NHLRC2: variants seen among roughly 807,000 people sequenced by gnomAD.
NHLRC2 encodes NHL repeat containing 2, also known as NHL repeat-containing protein 2.
A neutral mutation model predicts 68.1 loss-of-function variants in NHLRC2; 33 were observed. That is an observed-to-expected ratio of 0.48 (90% confidence interval 0.37 to 0.65). NHLRC2 has a LOEUF of 0.65. Among genes scored for constraint, NHLRC2 ranks in the 30% least tolerant of loss-of-function variants. The probability of loss-of-function intolerance (pLI) is 0.00; values close to 1 mark genes in which losing one functional copy is unlikely to be tolerated. For missense variants in NHLRC2, 761 were observed against 853.8 expected, an observed-to-expected ratio of 0.89 and a Z score of 1.35; for synonymous variants, 311 against 309.6, an observed-to-expected ratio of 1.00 and a Z score of -0.05.
Position 113,883,016 on chromosome 10 carries a change from T to C in NHLRC2, c.910-1235T>C, listed in dbSNP as rs568550653. Among the ~76,000 whole-genome samples the C allele has an allele frequency of 2.4e-4, 37 of 151,980 alleles. No homozygotes were observed. The South Asian group carries it at 7.2e-3, about 30-fold the overall frequency. On this transcript the variant is annotated intron_variant, in intron 4 of 10. Coordinates refer to ENST00000369301, the MANE Select transcript of NHLRC2 (RefSeq NM_198514.4). ...GTTGATCATAGATGTATGGACCCAT[T>C]GATCTCTCTGTCTGTCTTTATGCCA...
chr10:113,865,211 AG>A (rs1845854514), intron 2 of NHLRC2, among the ~76,000 whole-genome samples: 1 of 151,884 alleles, frequency 6.6e-6, no homozygotes, highest in African/African-American at 2.4e-5. Flanking sequence ...GGCCTCCCAA[AG>A]TGCTGGGATT....
chr10:113,860,168 G>T (rs926159212), intron 2 of NHLRC2, among the ~76,000 whole-genome samples: 2 of 152,038 alleles, frequency 1.3e-5, no homozygotes, highest in Non-Finnish European at 2.9e-5. Context: ...TTTTTGATTT[G>T]TTTTTTTAGT....
At position 113,857,250 on chromosome 10, in the gene NHLRC2, T is replaced by G. The variant is rs200800036; in HGVS notation, c.179-1278T>G. Among the ~76,000 whole-genome samples the G allele has an allele frequency of 3.3e-5, 5 of 152,118 alleles. No individual in the cohort carries two copies. In the East Asian group the frequency reaches 9.6e-4, roughly 29 times the overall value. On this transcript the variant is annotated intron_variant, in intron 1 of 10. Coordinates refer to ENST00000369301, the MANE Select transcript of NHLRC2 (RefSeq NM_198514.4). ...CCTGATCTAAGCCACTCTTGACTATTTACAGAAAAGTCACAGAAGACAGAT... is the reference window on the plus strand; with the variant it reads ...CCTGATCTAAGCCACTCTTGACTATGTACAGAAAAGTCACAGAAGACAGAT...
rs760625750 is a variant in NHLRC2 at position 113,898,157 on chromosome 10, A to T, written c.1087A>T (p.Thr363Ser). The T allele has an allele frequency of 1.2e-6, 2 of 1,613,192 alleles. No individual in the cohort carries two copies. Among genetic ancestry groups the T allele is most frequent in the East Asian group, 4.5e-5 (2 of 44,870 alleles). ...CATTTTATGGATAGCCATGGCAGGG[A>T]CTCATCAGATATGGGCACTCCTGCT... is the stretch of plus-strand genomic sequence containing the variant. The part of the protein sequence containing the change: ...GDILWIAMAG[T>S]HQIWALLLDS... The change falls in exon 6 of 11, where the codon ACT (threonine) becomes TCT (serine). Residue 363 changes from threonine to serine, a missense_variant. Coordinates refer to ENST00000369301, the MANE Select transcript of NHLRC2 (RefSeq NM_198514.4).
At chr10:113,874,695 A>G (rs375075546) in intron 2 of NHLRC2, among the ~76,000 whole-genome samples, 16 of 151,034 alleles carry the variant, frequency 1.1e-4, no homozygotes, top group African/African-American at 3.6e-4. Flanking sequence ...ACTTATTTAG[A>G]TATTTTGAAA....
At chr10:113,891,582 G>A (rs1846131946) in intron 5 of NHLRC2, among the ~76,000 whole-genome samples, 1 of 152,186 alleles carries the variant, frequency 6.6e-6, no homozygotes, top group African/African-American at 2.4e-5. Context: ...CTGGGCAGTT[G>A]TTGCCTTCTG....
chr10:113,905,296 C>G (rs1051139211), intron 10 of NHLRC2, among the ~76,000 whole-genome samples: 14 of 152,098 alleles, frequency 9.2e-5, no homozygotes, highest in Non-Finnish European at 2.9e-5. Context: ...TGTGGGTTTT[C>G]CTATACCTCA....
rs1201785402 is a variant in NHLRC2 at position 113,909,463 on chromosome 10, T to C, written c.*927T>C. On this transcript the variant is annotated 3_prime_UTR_variant, in exon 11 of 11. Coordinates refer to ENST00000369301, the MANE Select transcript of NHLRC2 (RefSeq NM_198514.4). ...TTGAGTTTAGGTTTTGAGGTTTTTT[T>C]CGTTCCCATATTCAGAATTTAAATT... 6.6e-6 allele frequency: 1 copy of C among 152,142 alleles called. No individual in the cohort carries two copies. The highest frequency in any genetic ancestry group is 1.5e-5 in the Non-Finnish European group (1 of 67,976). The allele number at this position is 152,142 out of a possible 1,614,324, so 9.4% of individuals were successfully genotyped here. A position where few individuals can be genotyped will look rare whatever the true frequency, so the allele number is the denominator to read the frequency against.
At chr10:113,868,064 C>T (rs572596418) in intron 2 of NHLRC2, among the ~76,000 whole-genome samples, 3 of 152,120 alleles carry the variant, frequency 2.0e-5, no homozygotes, top group Admixed American at 6.5e-5. Context: ...TCACAGCTCA[C>T]GGCAGCCACG....
At position 113,911,498 on chromosome 10, in the gene NHLRC2, T is replaced by C. The variant is rs980440558; in HGVS notation, c.*2962T>C. 1 of 152,156 alleles carries C rather than the reference T, an allele frequency of 6.6e-6. No individual in the cohort carries two copies. The highest frequency in any genetic ancestry group is 6.6e-5 in the Admixed American group (1 of 15,266). 9.4% of individuals were successfully genotyped at this position (152,156 alleles called of 1,614,324 possible). On this transcript the variant is annotated 3_prime_UTR_variant, in exon 11 of 11. Coordinates refer to ENST00000369301, the MANE Select transcript of NHLRC2 (RefSeq NM_198514.4). Reference sequence around the variant, plus strand: ...GCCAGAAAAAAAAATTTACTATGTGTATATTTATATAGGTGTGTGTATACA... The same window carrying C: ...GCCAGAAAAAAAAATTTACTATGTGCATATTTATATAGGTGTGTGTATACA...
intron 6 of NHLRC2, among the ~76,000 whole-genome samples, chr10:113,899,515 C>A (rs1350203478): frequency 6.6e-6 from 1 of 151,982 alleles, no homozygotes; most frequent in African/African-American, 2.4e-5. Flanking sequence ...AATATGCTCA[C>A]TATGTTAAGG....
chr10:113,868,358 ATAAAGGGCAG>A (rs1845889347), intron 2 of NHLRC2, among the ~76,000 whole-genome samples: 1 of 152,156 alleles, frequency 6.6e-6, no homozygotes, highest in East Asian at 1.9e-4. Context: ...CAAAGGATTC[ATAAAGGGCAG>A]AATCTTTTAC....
At chr10:113,901,224 A>C (rs1447351354) in intron 6 of NHLRC2, among the ~76,000 whole-genome samples, 1 of 152,224 alleles carries the variant, frequency 6.6e-6, no homozygotes. Flanking sequence ...ATAAGAACAC[A>C]AAACATTTTT....
In NHLRC2 at chr10:113,914,719, A is replaced by T. The variant is rs114181623; in HGVS notation, c.*6183A>T. ...GTAGAATCCACTGTTAAGCACCAAG[A>T]TTACCTTTTCTTCCCCCTGTGGCAC... On this transcript the variant is annotated 3_prime_UTR_variant, in exon 11 of 11. Coordinates refer to ENST00000369301, the MANE Select transcript of NHLRC2 (RefSeq NM_198514.4). The T allele has an allele frequency of 3.2e-3, 889 of 275,000 alleles. 8 individuals carry two copies. The highest frequency in any genetic ancestry group is 0.018 in the African/African-American group (792 of 44,762). The allele number at this position is 275,000 out of a possible 1,614,324, so 17.0% of individuals were successfully genotyped here. A position where few individuals can be genotyped will look rare whatever the true frequency, so the allele number is the denominator to read the frequency against.
intron 2 of NHLRC2, among the ~76,000 whole-genome samples, chr10:113,864,998 G>GGA (rs1845851644): frequency 6.6e-6 from 1 of 150,982 alleles, no homozygotes; most frequent in South Asian, 2.1e-4. Context: ...CGCCCAGGCT[G>GGA]GAGTGCAATG....
intron 5 of NHLRC2, among the ~76,000 whole-genome samples, chr10:113,890,246 A>G (rs1292426983): frequency 3.9e-5 from 6 of 152,190 alleles, no homozygotes; most frequent in Non-Finnish European, 8.8e-5. Flanking sequence ...AAAAGTATCT[A>G]GCTTTCATTT....
chr10:113,856,261 A>G (rs1845757185), intron 1 of NHLRC2, among the ~76,000 whole-genome samples: 1 of 152,174 alleles, frequency 6.6e-6, no homozygotes, highest in Non-Finnish European at 1.5e-5. Flanking sequence ...CTGGCGTGAC[A>G]CTGAAACCAC....
intron 2 of NHLRC2, among the ~76,000 whole-genome samples, chr10:113,862,962 A>C (rs183821055): frequency 6.6e-6 from 1 of 152,342 alleles, no homozygotes; most frequent in East Asian, 1.9e-4. Context: ...GTAACATAGC[A>C]AGACCTCATT....
chr10:113,861,218 A>G (rs374875593), intron 2 of NHLRC2, among the ~76,000 whole-genome samples: 10 of 152,212 alleles, frequency 6.6e-5, no homozygotes, highest in South Asian at 2.1e-4. Context: ...AACACCATCA[A>G]TCAGACCAGC....
Sources: gnomAD v4.1 joint callset for allele counts (sites outside exome capture counted in the v4.1 genomes callset) on GRCh38, gnomAD v4.1.1 for gene constraint, MANE v1.5 for transcripts, NCBI Gene and HGNC (gene_info 2026-07-23, HGNC 2026-07-21) for gene names.